The following ARHGAP44 variants were observed in gnomAD, a reference collection of about 807,000 sequenced individuals.
ARHGAP44 encodes the protein rho GTPase-activating protein 44.
Under a neutral mutation model 106.8 loss-of-function variants are expected in ARHGAP44, and 43 were observed. The ratio of observed to expected loss-of-function variants is 0.40; its 90% CI spans 0.32 to 0.52. The LOEUF (loss-of-function observed/expected upper bound fraction) is 0.52. ARHGAP44 is among the 20% of genes least tolerant of loss of function. The pLI, the probability that ARHGAP44 is intolerant of heterozygous loss-of-function variation, is 0.48. For missense variants in ARHGAP44, 866 were observed against 1,050.5 expected (o/e 0.82, Z 2.43); for synonymous variants, 439 against 410.3 (o/e 1.07, Z -0.85).
At chr17:12,822,273 C>T (rs910031626) in intron 1 of ARHGAP44, among the ~76,000 whole-genome samples, 1 of 152,132 alleles carries the variant, frequency 6.6e-6, no homozygotes, top group Admixed American at 6.5e-5. Context: ...ATTTGAATTT[C>T]ATGTAATTTT....
Position 12,958,479 on chromosome 17 carries a change from A to C in ARHGAP44, c.1343-238A>C, listed in dbSNP as rs1353635585. Among the ~76,000 whole-genome samples the C allele has an allele frequency of 6.7e-6, 1 of 148,416 alleles. No individual in the cohort carries two copies. The highest frequency in any genetic ancestry group is 1.5e-5 in the Non-Finnish European group (1 of 67,326). On this transcript the variant is annotated intron_variant, in intron 15 of 20. Transcript: ENST00000379672. The surrounding 1 kb of genome is among the most constrained non-coding windows in gnomAD (Gnocchi z 4.1). ...AGAAAGTATCCGTTCCTGTTTTTAC[A>C]AACTTTTTTTTTTTTTCACAAATTG...
At chr17:12,979,782 T>G (rs1429700165) in intron 18 of ARHGAP44, among the ~76,000 whole-genome samples, 1 of 152,154 alleles carries the variant, frequency 6.6e-6, no homozygotes, top group Non-Finnish European at 1.5e-5. Flanking sequence ...GCTCACGGTC[T>G]CCTTGAAGAG....
intron 18 of ARHGAP44, among the ~76,000 whole-genome samples, chr17:12,977,438 A>C (rs1598152809): frequency 6.6e-6 from 1 of 150,384 alleles, no homozygotes; most frequent in Admixed American, 6.6e-5. Context: ...CCCACTCCCT[A>C]CCCCAGGCCC....
At chr17:12,853,882 C>T (rs1315294376) in intron 1 of ARHGAP44, among the ~76,000 whole-genome samples, 1 of 152,180 alleles carries the variant, frequency 6.6e-6, no homozygotes, top group Non-Finnish European at 1.5e-5. Context: ...TCTTCATTTA[C>T]CTCTGCCTGG....
At chr17:12,953,724 T>C (rs564315280) in intron 13 of ARHGAP44, among the ~76,000 whole-genome samples, 2 of 152,304 alleles carry the variant, frequency 1.3e-5, no homozygotes, top group East Asian at 3.9e-4. Flanking sequence ...GACGTTATGC[T>C]ATGTGAAAGA....
At chr17:12,892,580 C>T (rs1567671856) in intron 1 of ARHGAP44, among the ~76,000 whole-genome samples, 1 of 151,958 alleles carries the variant, frequency 6.6e-6, no homozygotes. Context: ...AATATAGCTA[C>T]CATTTTTTCC....
At chr17:12,925,425 G>A (rs1016090796) in intron 6 of ARHGAP44, among the ~76,000 whole-genome samples, 3 of 152,206 alleles carry the variant, frequency 2.0e-5, no homozygotes, top group Non-Finnish European at 4.4e-5. Flanking sequence ...CATGGCAGAG[G>A]AAGGGGCAAG....
chr17:12,875,567 G>A (rs755045500), intron 1 of ARHGAP44, among the ~76,000 whole-genome samples: 12 of 152,092 alleles, frequency 7.9e-5, no homozygotes, highest in Non-Finnish European at 1.5e-4. Flanking sequence ...ACTCCAGCCT[G>A]GGCAACAGAG....
At chr17:12,812,030 A>T (rs916611627) in intron 1 of ARHGAP44, among the ~76,000 whole-genome samples, 8 of 152,174 alleles carry the variant, frequency 5.3e-5, no homozygotes, top group Non-Finnish European at 1.5e-5. Flanking sequence ...AATTGAACCC[A>T]CAGGGCCCAC....
chr17:12,913,296 G>GA (rs2037795603), intron 4 of ARHGAP44, among the ~76,000 whole-genome samples: 1 of 151,952 alleles, frequency 6.6e-6, no homozygotes, highest in African/African-American at 2.4e-5. Flanking sequence ...GACAAACTAG[G>GA]AAAGTGGCAG....
intron 6 of ARHGAP44, among the ~76,000 whole-genome samples, chr17:12,921,589 T>C (rs1317670763): frequency 6.6e-6 from 1 of 152,192 alleles, no homozygotes; most frequent in East Asian, 1.9e-4. Context: ...AGGCCAATTT[T>C]AATCATCTTC....
intron 1 of ARHGAP44, among the ~76,000 whole-genome samples, chr17:12,802,843 C>T (rs190231434): frequency 7.2e-6 from 1 of 137,964 alleles, no homozygotes; most frequent in Admixed American, 7.5e-5. Context: ...ACTGCAACCT[C>T]CGCCTCCCGG....
At chr17:12,802,850 C>T (rs1326470578) in intron 1 of ARHGAP44, among the ~76,000 whole-genome samples, 1 of 139,196 alleles carries the variant, frequency 7.2e-6, no homozygotes, top group Non-Finnish European at 1.5e-5. Flanking sequence ...CCTCCGCCTC[C>T]CGGGTTCAAG....
chr17:12,894,837 G>A, intron 1 of ARHGAP44, 103 bp from the exon 2 acceptor site: 1 of 1,026,480 alleles, frequency 9.7e-7, no homozygotes, highest in Non-Finnish European at 1.4e-6. Flanking sequence ...TACTACTCAT[G>A]TCTCTGTTTT....
intron 1 of ARHGAP44, among the ~76,000 whole-genome samples, chr17:12,841,635 C>CAAAAAAAAAAAAA (rs1232144002): frequency 1.1e-5 from 1 of 87,754 alleles, no homozygotes; most frequent in African/African-American, 3.9e-5. Context: ...CACACACACA[C>CAAAAAAAAAAAAA]ACACAAACAA....
chr17:12,903,140 A>AGTGTGTGTGTGTGTGT (rs546197652), intron 3 of ARHGAP44, among the ~76,000 whole-genome samples: 4 of 57,574 alleles, frequency 6.9e-5, no homozygotes, highest in African/African-American at 1.3e-4. Context: ...AGAGAGAGAG[A>AGTGTGTGTGTGTGTGT]GTGTGTGTGT....
At position 12,900,980 on chromosome 17, in the gene ARHGAP44, A is replaced by G. The variant is rs372445010; in HGVS notation, c.198+4469A>G. Among the ~76,000 whole-genome samples, 25 of 142,210 alleles carry G rather than the reference A, an allele frequency of 1.8e-4. No homozygotes were observed. The East Asian group carries it at 2.6e-3, about 15-fold the overall frequency. The allele number at this position is 142,210 out of a possible 152,430, so 93.3% of individuals were successfully genotyped here. ...CTCTTGTCACCCAGGCTGGAGTGCA[A>G]TGGTACAATCTCGGCTCACTGCAGC... On this transcript the variant is annotated intron_variant, in intron 3 of 20. Coordinates refer to ENST00000379672, the MANE Select transcript of ARHGAP44 (RefSeq NM_014859.6).
At chr17:12,968,160 C>T (rs146944502) in intron 16 of ARHGAP44, among the ~76,000 whole-genome samples, 114 of 152,288 alleles carry the variant, frequency 7.5e-4, no homozygotes, top group African/African-American at 2.7e-3. Context: ...GGCAACGTGG[C>T]GGGGCCCACT....
intron 1 of ARHGAP44, among the ~76,000 whole-genome samples, chr17:12,845,520 A>C (rs1024902545): frequency 2.2e-5 from 3 of 135,068 alleles, no homozygotes; most frequent in African/African-American, 3.2e-5. Context: ...AAAAAAAAAA[A>C]AACAAAAAAA....
Sources: allele counts gnomAD v4.1 joint callset (sites outside exome capture counted in the v4.1 genomes callset), GRCh38; gene constraint gnomAD v4.1.1; non-coding constraint Gnocchi (gnomAD v3.1); transcripts MANE v1.5; gene names NCBI Gene and HGNC (gene_info 2026-07-23, HGNC 2026-07-21).